TBC1D22B: variants seen among roughly 807,000 people sequenced by gnomAD.
The protein encoded by TBC1D22B is TBC1 domain family member 22B.
TBC1D22B carries 32 observed loss-of-function variants against 69.1 expected under a neutral mutation model. The observed-to-expected ratio is 0.46, with a 90% CI of 0.35 to 0.62. TBC1D22B has a LOEUF of 0.62. Among genes scored for constraint, TBC1D22B ranks in the 20% least tolerant of loss-of-function variants. The pLI, the probability that TBC1D22B is intolerant of heterozygous loss-of-function variation, is 0.00. For synonymous variants in TBC1D22B, 206 were observed against 229.8 expected, an observed-to-expected ratio of 0.90 and a Z score of 0.94; for missense variants, 462 against 630.9, an observed-to-expected ratio of 0.73 and a Z score of 2.87.
intron 1 of TBC1D22B, among the ~76,000 whole-genome samples, chr6:37,263,915 A>G (rs1378893894): frequency 6.6e-6 from 1 of 152,214 alleles, no homozygotes; most frequent in Non-Finnish European, 1.5e-5. Flanking sequence ...AAATGTGACA[A>G]ATGTTAACAT....
At chr6:37,279,837 A>G (rs1351351102) in intron 3 of TBC1D22B, among the ~76,000 whole-genome samples, 1 of 152,164 alleles carries the variant, frequency 6.6e-6, no homozygotes, top group Non-Finnish European at 1.5e-5. Context: ...ACTCTCTGAC[A>G]CCCAGGTGTT....
chr6:37,309,290 A>C (rs1013201416), intron 8 of TBC1D22B, among the ~76,000 whole-genome samples: 11 of 152,156 alleles, frequency 7.2e-5, no homozygotes, highest in Non-Finnish European at 1.2e-4. Context: ...CTGTCTGACA[A>C]AAAAGCCACA....
chr6:37,327,142 G>T (rs369575796), intron 12 of TBC1D22B, among the ~76,000 whole-genome samples: 1 of 151,842 alleles, frequency 6.6e-6, no homozygotes. Context: ...TGGCATGGGG[G>T]TGGGGGCATG....
At chr6:37,308,334 T>A (rs1767800218) in intron 8 of TBC1D22B, among the ~76,000 whole-genome samples, 1 of 152,198 alleles carries the variant, frequency 6.6e-6, no homozygotes, top group Admixed American at 6.5e-5. Flanking sequence ...TCTGAACAGA[T>A]TGTTTATGCT....
At chr6:37,282,045 TC>T in intron 3 of TBC1D22B, 139 bp from the exon 4 acceptor site, 1 of 912,920 alleles carries the variant, frequency 1.1e-6, no homozygotes, top group Non-Finnish European at 1.7e-6. Context: ...TCGCTGCCCT[TC>T]AGCTGGGCAC....
chr6:37,282,805 A>G, intron 4 of TBC1D22B, 77 bp from the exon 5 acceptor site: 1 of 1,381,644 alleles, frequency 7.2e-7, no homozygotes, highest in Admixed American at 1.7e-5. Context: ...GGAAGGAGAC[A>G]TCAGGCAGTG....
chr6:37,279,333 C>T lies in TBC1D22B; in HGVS notation c.143C>T (p.Thr48Ile), dbSNP rs750543185. Residue 48 changes from threonine to isoleucine, a missense_variant, in exon 3 of 13, where the codon ACA (threonine) becomes ATA (isoleucine). By Grantham distance (89) the Thr-to-Ile change is moderately conservative. Transcript: ENST00000373491. The part of the protein sequence containing the change: ...NFIKERSKVN[T>I]VPLKNKKASS... ...ATTAAAGAACGATCAAAAGTCAACACAGTTCCTCTGAAGAATAAGAAGGCC... is the reference window on the plus strand; with the variant it reads ...ATTAAAGAACGATCAAAAGTCAACATAGTTCCTCTGAAGAATAAGAAGGCC... The T allele has an allele frequency of 4.3e-6, 7 of 1,610,782 alleles. No homozygotes were observed. The highest frequency in any genetic ancestry group is 8.5e-7 in the Non-Finnish European group (1 of 1,178,670).
intron 3 of TBC1D22B, among the ~76,000 whole-genome samples, chr6:37,281,980 A>G (rs577354600): frequency 2.0e-5 from 3 of 152,158 alleles, no homozygotes; most frequent in Non-Finnish European, 4.4e-5. Context: ...TGTGTTTGAT[A>G]TAAATGCAGC....
chr6:37,274,575 T>C (rs1479141524), intron 2 of TBC1D22B, among the ~76,000 whole-genome samples: 1 of 152,234 alleles, frequency 6.6e-6, no homozygotes, highest in Non-Finnish European at 1.5e-5. Flanking sequence ...TTTCCAAGCC[T>C]TAGTTTCTTC....
intron 12 of TBC1D22B, among the ~76,000 whole-genome samples, chr6:37,330,621 G>A (rs763107234): frequency 1.6e-4 from 25 of 152,122 alleles, no homozygotes; most frequent in Admixed American, 2.6e-4. Flanking sequence ...ACTCCAGCTT[G>A]GGTGACAGAG....
chr6:37,311,314 C>T (rs551648744), intron 8 of TBC1D22B, among the ~76,000 whole-genome samples: 2 of 151,630 alleles, frequency 1.3e-5, no homozygotes, highest in East Asian at 1.9e-4. Flanking sequence ...GGTGAGAATC[C>T]GAGAGTTGTT....
intron 2 of TBC1D22B, among the ~76,000 whole-genome samples, chr6:37,270,466 A>AAACT (rs1766449196): frequency 6.6e-6 from 1 of 152,158 alleles, no homozygotes; most frequent in Non-Finnish European, 1.5e-5. Context: ...AATAAAAATA[A>AAACT]AAATAAATAA....
At chr6:37,329,592 T>C (rs936793468) in intron 12 of TBC1D22B, among the ~76,000 whole-genome samples, 3 of 152,240 alleles carry the variant, frequency 2.0e-5, no homozygotes, top group African/African-American at 7.2e-5. Flanking sequence ...ACTTGTCTAC[T>C]GTAACCAAGA....
At chr6:37,286,024 C>T (rs1433654612) in intron 6 of TBC1D22B, among the ~76,000 whole-genome samples, 1 of 152,194 alleles carries the variant, frequency 6.6e-6, no homozygotes, top group African/African-American at 2.4e-5. Flanking sequence ...TTCTTAGGAA[C>T]TGTTGATGAG....
At chr6:37,279,655 G>T in intron 3 of TBC1D22B, 44 bp downstream of exon 3, 3 of 1,540,916 alleles carry the variant, frequency 1.9e-6, no homozygotes, top group Non-Finnish European at 8.7e-7. Flanking sequence ...CTTCTCAGCA[G>T]CGTGCATTTT....
At chr6:37,273,760 G>A (rs1170347413) in intron 2 of TBC1D22B, among the ~76,000 whole-genome samples, 2 of 152,152 alleles carry the variant, frequency 1.3e-5, no homozygotes, top group Admixed American at 6.5e-5. Flanking sequence ...GTCTATGTCT[G>A]CACCAGACCA....
intron 5 of TBC1D22B, among the ~76,000 whole-genome samples, chr6:37,283,943 T>C (rs1175657807): frequency 6.6e-6 from 1 of 152,244 alleles, no homozygotes; most frequent in Non-Finnish European, 1.5e-5. Context: ...TAGAGGTTGC[T>C]ATATCCCTGC....
chr6:37,283,919 G>T (rs1372243911), intron 5 of TBC1D22B, among the ~76,000 whole-genome samples: 1 of 152,202 alleles, frequency 6.6e-6, no homozygotes, highest in Non-Finnish European at 1.5e-5. Flanking sequence ...TTGGCACACT[G>T]CTGAGATGTG....
chr6:37,316,618 G>T lies in TBC1D22B; in HGVS notation c.1166-85G>T, dbSNP rs1768087547. 5 of 1,538,298 alleles carry T rather than the reference G, an allele frequency of 3.3e-6. No homozygotes were observed. The Admixed American group carries it at 8.4e-5, about 26-fold the overall frequency. On this transcript the variant is annotated intron_variant, in intron 10 of 12. Coordinates refer to ENST00000373491, the MANE Select transcript of TBC1D22B (RefSeq NM_017772.4). ...GCTTACCCATGGGAGGGGGCAGTAA[G>T]AAGTGGGAGCTGCTATTTTGGCTCC...
Sources: gnomAD v4.1 joint callset for allele counts (sites outside exome capture counted in the v4.1 genomes callset) on GRCh38, gnomAD v4.1.1 for gene constraint, MANE v1.5 for transcripts, NCBI Gene and HGNC (gene_info 2026-07-23, HGNC 2026-07-21) for gene names.